Variants in ARMC3 observed in about 807,000 individuals in gnomAD.
ARMC3 encodes armadillo repeat containing 3, also known as armadillo repeat-containing protein 3.
ARMC3 carries 74 observed loss-of-function variants against 90.3 expected under a neutral mutation model. The ratio of observed to expected loss-of-function variants is 0.82; its 90% CI spans 0.68 to 0.99. ARMC3 has a LOEUF of 0.99. ARMC3 is among the 50% of genes least tolerant of loss of function. The probability of loss-of-function intolerance (pLI) is 0.00; values close to 1 mark genes in which losing one functional copy is unlikely to be tolerated. For missense variants in ARMC3, 958 were observed against 1,042.8 expected (o/e 0.92, Z 1.12); for synonymous variants, 334 against 361.8 (o/e 0.92, Z 0.87).
At chr10:23,014,168 A>G (rs1838160949) in intron 16 of ARMC3, 1 of 1,547,494 alleles carries the variant, frequency 6.5e-7, no homozygotes, top group African/African-American at 1.4e-5. Flanking sequence ...GCATGAGGAG[A>G]ACACAGAGAC....
At chr10:22,931,151 A>C (rs768220950) in intron 1 of ARMC3, among the ~76,000 whole-genome samples, 5 of 151,252 alleles carry the variant, frequency 3.3e-5, no homozygotes, top group Non-Finnish European at 7.4e-5. Context: ...ATGGTCTTGA[A>C]CTCCTGACCT....
chr10:22,946,536 C>T (rs1036475501), intron 3 of ARMC3: 3 of 243,750 alleles, frequency 1.2e-5, no homozygotes, highest in Non-Finnish European at 2.4e-5. Flanking sequence ...GCTAAAAGAA[C>T]TCCCAATAGT....
intron 16 of ARMC3, among the ~76,000 whole-genome samples, chr10:23,023,042 G>A (rs1303734023): frequency 6.6e-6 from 1 of 152,050 alleles, no homozygotes; most frequent in Admixed American, 6.5e-5. Context: ...CATGGACTGG[G>A]GGATGATAGT....
chr10:22,956,067 T>A, intron 4 of ARMC3, 135 bp downstream of exon 4: 1 of 825,964 alleles, frequency 1.2e-6, no homozygotes, highest in Non-Finnish European at 1.8e-6. Flanking sequence ...TTTATCAGTA[T>A]AATGCAGCAA....
rs568830246 is a variant in ARMC3 at position 23,000,032 on chromosome 10, T to TC, written c.1425+1639dup. 9.2e-4 allele frequency among the ~76,000 whole-genome samples: 140 copies of TC among 152,092 alleles called. 3 individuals carry two copies. The South Asian group carries it at 0.028, about 31-fold the overall frequency. On this transcript the variant is annotated intron_variant, in intron 11 of 18. Transcript: ENST00000298032. ...GCAGGAGACCCTTTACTTTTTTCCC[T>TC]CCCCTCCTATTCCCCTTACTGGCTC...
intron 2 of ARMC3, among the ~76,000 whole-genome samples, chr10:22,940,776 G>A (rs1274676213): frequency 1.3e-5 from 2 of 152,162 alleles, no homozygotes; most frequent in African/African-American, 4.8e-5. Flanking sequence ...ATGAGCTACA[G>A]TGACCCAAAA....
chr10:23,015,600 G>C (rs996799699), intron 16 of ARMC3, among the ~76,000 whole-genome samples: 1 of 152,072 alleles, frequency 6.6e-6, no homozygotes, highest in Non-Finnish European at 1.5e-5. Context: ...CTCTTTCCAT[G>C]CTGATCATGT....
Position 22,968,302 on chromosome 10 carries a change from T to A in ARMC3, c.733-4T>A. 3.1e-6 allele frequency: 5 copies of A among 1,612,232 alleles called. No homozygotes were observed. The highest frequency in any genetic ancestry group is 4.2e-6 in the Non-Finnish European group (5 of 1,178,590). On this transcript the variant is annotated splice_region_variant and splice_polypyrimidine_tract_variant and intron_variant, in intron 7 of 18. Coordinates refer to ENST00000298032, the MANE Select transcript of ARMC3 (RefSeq NM_173081.5). ...TCTAAAGTTGTATTTGCTTTTATTA[T>A]TAGGAATTGAATGACCTTCATATAG...
At chr10:22,987,579 C>T (rs992668561) in intron 10 of ARMC3, among the ~76,000 whole-genome samples, 7 of 152,228 alleles carry the variant, frequency 4.6e-5, no homozygotes, top group East Asian at 1.9e-4. Flanking sequence ...TAAAAATATA[C>T]ACAGTAATAA....
intron 2 of ARMC3, among the ~76,000 whole-genome samples, chr10:22,934,325 C>A (rs551983447): frequency 1.3e-5 from 2 of 152,242 alleles, no homozygotes; most frequent in East Asian, 3.9e-4. Context: ...TTAATATATG[C>A]AGATATAGTA....
rs566807596 is a variant in ARMC3, at chr10:22,937,350, C to T, written c.48+5306C>T. On this transcript the variant is annotated intron_variant, in intron 2 of 18. Transcript: ENST00000298032. Reference sequence around the variant, plus strand: ...GTTCTTCTGTGGTGATCATGACATACCCATCCTTAACCATAGTATCCTTAT... The same window carrying T: ...GTTCTTCTGTGGTGATCATGACATATCCATCCTTAACCATAGTATCCTTAT... Among the ~76,000 whole-genome samples the T allele has an allele frequency of 2.6e-5, 4 of 152,266 alleles. 1 individual carries two copies. The highest frequency in any genetic ancestry group is 2.6e-4 in the Admixed American group (4 of 15,294).
chr10:23,024,631 C>T (rs985740772), intron 16 of ARMC3, among the ~76,000 whole-genome samples: 1 of 152,100 alleles, frequency 6.6e-6, no homozygotes, highest in Non-Finnish European at 1.5e-5. Flanking sequence ...CTGTGATAAG[C>T]CATATTTGTA....
chr10:22,958,185 A>T (rs925700575), intron 4 of ARMC3, among the ~76,000 whole-genome samples: 1 of 152,226 alleles, frequency 6.6e-6, no homozygotes, highest in African/African-American at 2.4e-5. Flanking sequence ...TTAGTAGTGG[A>T]ACTGAGGTTA....
In ARMC3 at chr10:23,038,457, AT is replaced by A. The variant is rs1482153402; in HGVS notation, c.*982del. The A allele has an allele frequency of 6.6e-6, 1 of 152,208 alleles. No individual in the cohort carries two copies. Among genetic ancestry groups the A allele is most frequent in the East Asian group, 1.9e-4 (1 of 5,204 alleles). 9.4% of individuals were successfully genotyped at this position (152,208 alleles called of 1,614,324 possible). On this transcript the variant is annotated 3_prime_UTR_variant, in exon 19 of 19. Coordinates refer to ENST00000298032, the MANE Select transcript of ARMC3 (RefSeq NM_173081.5). Reference sequence around the variant, plus strand: ...GATTTTAGAAATTAAAGCTAAGATTATTTTGTATTAATTTGTAATTTCAAAT... The same window carrying A: ...GATTTTAGAAATTAAAGCTAAGATTATTTGTATTAATTTGTAATTTCAAAT...
chr10:22,998,579 C>T (rs1405628808), intron 11 of ARMC3, among the ~76,000 whole-genome samples, 182 bp downstream of exon 11: 1 of 152,226 alleles, frequency 6.6e-6, no homozygotes. Flanking sequence ...AGAAGGTGAG[C>T]ATGCCCTATA....
rs527865311 is a variant in ARMC3, at chr10:22,951,031, G to A, written c.166+4770G>A. ...CGGCTCACTGCAAGCTCCGCCTCCC[G>A]GCTTCACGCCATTCTCCTGCCTCAG... is the stretch of plus-strand genomic sequence containing the variant. On this transcript the variant is annotated intron_variant, in intron 3 of 18. Coordinates refer to ENST00000298032, the MANE Select transcript of ARMC3 (RefSeq NM_173081.5). 2.9e-3 allele frequency among the ~76,000 whole-genome samples: 437 copies of A among 150,526 alleles called. 2 individuals carry two copies. Among genetic ancestry groups the A allele is most frequent in the African/African-American group, 9.8e-3 (401 of 40,920 alleles).
intron 18 of ARMC3, 39 bp from the exon 19 acceptor site, chr10:23,037,231 C>G: frequency 6.6e-7 from 1 of 1,510,214 alleles, no homozygotes; most frequent in Non-Finnish European, 8.9e-7. Flanking sequence ...CACCCCTCTC[C>G]CGCACCACCC....
At chr10:22,949,754 AG>A (rs1299890935) in intron 3 of ARMC3, among the ~76,000 whole-genome samples, 1 of 152,190 alleles carries the variant, frequency 6.6e-6, no homozygotes. Flanking sequence ...GATCCAAAAA[AG>A]TTTGTCAAAA....
At chr10:23,002,080 C>T in intron 12 of ARMC3, 25 bp downstream of exon 12, 1 of 1,610,900 alleles carries the variant, frequency 6.2e-7, no homozygotes, top group Non-Finnish European at 8.5e-7. Context: ...TCTCAAGTTT[C>T]TGGCTCAGAT....
Sources: allele counts gnomAD v4.1 joint callset (sites outside exome capture counted in the v4.1 genomes callset), GRCh38; gene constraint gnomAD v4.1.1; transcripts MANE v1.5; gene names NCBI Gene and HGNC (gene_info 2026-07-23, HGNC 2026-07-21).